Variants in FHIP1B observed in about 807,000 individuals in gnomAD.
The protein encoded by FHIP1B is FHF complex subunit HOOK interacting protein 1B.
A neutral mutation model predicts 82.2 loss-of-function variants in FHIP1B; 28 were observed. The observed-to-expected ratio is 0.34, with a 90% CI of 0.25 to 0.47. The LOEUF is 0.47. Ranked by LOEUF, FHIP1B falls within the 20% of genes least tolerant of loss-of-function variation. The probability of loss-of-function intolerance (pLI) is 1.00; values close to 1 mark genes in which losing one functional copy is unlikely to be tolerated. For synonymous variants in FHIP1B, 585 were observed against 516.1 expected (o/e 1.13, Z -1.81); for missense variants, 1,110 against 1,262.6 (o/e 0.88, Z 1.83).
intron 9 of FHIP1B, 119 bp from the exon 10 acceptor site, chr11:6,215,030 T>A: frequency 9.8e-7 from 1 of 1,022,866 alleles, no homozygotes; most frequent in Non-Finnish European, 1.3e-6. Flanking sequence ...TGTCAGCCTC[T>A]GGGTATGTTT....
chr11:6,231,118 A>G (rs1051013506), intron 1 of FHIP1B, among the ~76,000 whole-genome samples: 53 of 152,338 alleles, frequency 3.5e-4, no homozygotes, highest in Middle Eastern at 6.8e-3. Context: ...AAAAAATCAT[A>G]TGAGGTGAGG....
chr11:6,214,294 T>C (rs1847160726), intron 11 of FHIP1B, 117 bp downstream of exon 11: 2 of 1,263,686 alleles, frequency 1.6e-6, no homozygotes, highest in African/African-American at 1.5e-5. Context: ...GAAGACTCAA[T>C]TTTCTACAAC....
At position 6,217,650 on chromosome 11, in the gene FHIP1B, C is replaced by A. The variant is rs1272513162; in HGVS notation, c.1936G>T (p.Ala646Ser). 1.9e-6 allele frequency: 3 copies of A among 1,613,884 alleles called. No homozygotes were observed. Among genetic ancestry groups the A allele is most frequent in the African/African-American group, 1.3e-5 (1 of 74,910 alleles). ...NGVPGSWPEG[A>S]KKVRLVPKEG... ...TTTGGCACCAGACGAACCTTCTTGG[C>A]CCCCTCAGGCCATGATCCTGGCACT... is the stretch of plus-strand genomic sequence containing the variant. The change falls in exon 9 of 12, where the codon GCC (alanine) becomes TCC (serine). Residue 646 changes from alanine to serine, a missense_variant. Physicochemically the swap from Ala to Ser is moderately conservative, Grantham distance 99 (BLOSUM62 1). Coordinates refer to ENST00000449352, the MANE Select transcript of FHIP1B (RefSeq NM_001098794.2).
intron 1 of FHIP1B, among the ~76,000 whole-genome samples, chr11:6,227,730 C>A (rs11040811): frequency 0.24 from 36,944 of 152,024 alleles, 5,383 homozygotes; most frequent in African/African-American, 0.41. Context: ...AACAGCAGAT[C>A]ATGAAAGGAG....
chr11:6,220,381 G>C (rs1252058579), intron 6 of FHIP1B, among the ~76,000 whole-genome samples: 1 of 152,116 alleles, frequency 6.6e-6, no homozygotes, highest in Non-Finnish European at 1.5e-5. Flanking sequence ...CCAAAATTTT[G>C]ATTTTAGCCT....
chr11:6,211,650 G>A lies in FHIP1B; in HGVS notation c.2775C>T (p.Val925=), dbSNP rs1049434702. The A allele has an allele frequency of 5.0e-6, 8 of 1,614,132 alleles. No individual in the cohort carries two copies. The African/African-American group carries it at 6.7e-5, about 13-fold the overall frequency. Residue 925 remains valine (V), a synonymous_variant, in exon 12 of 12, where the codon GTC becomes GTT. Coordinates refer to ENST00000449352, the MANE Select transcript of FHIP1B (RefSeq NM_001098794.2). ...QGEALRVKNA[V]YCAVIFPEFL... is the part of the protein sequence containing the mutation. ...ATTCAGGGAAAATGACTGCACAGTA[G>A]ACAGCATTCTTGACTCGAAGAGCCT...
At chr11:6,222,631 T>C (rs550162096) in intron 5 of FHIP1B, 22 bp from the exon 6 acceptor site, 3 of 1,612,524 alleles carry the variant, frequency 1.9e-6, no homozygotes, top group African/African-American at 1.3e-5. Context: ...GAAGGGAAAG[T>C]CTGGAAATGC....
In FHIP1B at chr11:6,211,392, T is replaced by A; in HGVS notation, c.*114A>T. The A allele has an allele frequency of 1.5e-6, 2 of 1,296,652 alleles. No individual in the cohort carries two copies. The highest frequency in any genetic ancestry group is 2.1e-6 in the Non-Finnish European group (2 of 950,496). 80.3% of individuals were successfully genotyped at this position (1,296,652 alleles called of 1,614,324 possible). On this transcript the variant is annotated 3_prime_UTR_variant, in exon 12 of 12. Coordinates refer to ENST00000449352, the MANE Select transcript of FHIP1B (RefSeq NM_001098794.2). ...ATTGCAACAAGTTCTCCATAAAACA[T>A]TCATCTGAAATAAATTAAAAAGTCC... is the stretch of plus-strand genomic sequence containing the variant.
chr11:6,223,303 G>A lies in FHIP1B; in HGVS notation c.778-65C>T. 1 of 1,500,484 alleles carries A rather than the reference G, an allele frequency of 6.7e-7. No homozygotes were observed. The highest frequency in any genetic ancestry group is 9.0e-7 in the Non-Finnish European group (1 of 1,113,496). The allele number at this position is 1,500,484 out of a possible 1,614,324, so 92.9% of individuals were successfully genotyped here. A position where few individuals can be genotyped will look rare whatever the true frequency, so the allele number is the denominator to read the frequency against. On this transcript the variant is annotated intron_variant, in intron 3 of 11. Coordinates refer to ENST00000449352, the MANE Select transcript of FHIP1B (RefSeq NM_001098794.2). The surrounding 1 kb of genome is among the most constrained non-coding windows in gnomAD (Gnocchi z 4.8). ...TATAAAATATAAAAACTGGAACAGGGGAGCTAGTAATCCAGAGTTTTGATG... is the reference window on the plus strand; with the variant it reads ...TATAAAATATAAAAACTGGAACAGGAGAGCTAGTAATCCAGAGTTTTGATG...
chr11:6,224,785 A>C, intron 1 of FHIP1B, 78 bp from the exon 2 acceptor site: 1 of 461,280 alleles, frequency 2.2e-6, no homozygotes, highest in Non-Finnish European at 3.9e-6. Flanking sequence ...TCCACTGAAA[A>C]CTCCACACAC....
At position 6,211,728 on chromosome 11, in the gene FHIP1B, C is replaced by G. The variant is rs1847078026; in HGVS notation, c.2697G>C (p.Gly899=). ...AGLGLSGGSP[G]ASTPVLLTRG... is the part of the protein sequence containing the mutation. The stretch of plus-strand genomic sequence containing the variant: ...GGGTGAGTAGAACTGGAGTTGAAGC[C>G]CCAGGGGAGCCCCCACTTAGGCCAA... Residue 899 remains glycine (G), a synonymous_variant, in exon 12 of 12, where the codon GGG becomes GGC. Transcript: ENST00000449352. The G allele has an allele frequency of 6.2e-7, 1 of 1,614,244 alleles. No individual in the cohort carries two copies. Among genetic ancestry groups the G allele is most frequent in the Non-Finnish European group, 8.5e-7 (1 of 1,180,030 alleles).
chr11:6,214,356 G>A, intron 11 of FHIP1B, 55 bp downstream of exon 11: 2 of 1,522,526 alleles, frequency 1.3e-6, no homozygotes, highest in Non-Finnish European at 1.8e-6. Flanking sequence ...CAATTAACCT[G>A]GGTTAATAGG....
At chr11:6,215,551 G>C (rs926906543) in intron 9 of FHIP1B, among the ~76,000 whole-genome samples, 1 of 152,210 alleles carries the variant, frequency 6.6e-6, no homozygotes, top group Non-Finnish European at 1.5e-5. Flanking sequence ...CCAATTTAAA[G>C]TTAGGGAAAA....
At position 6,223,915 on chromosome 11, in the gene FHIP1B, G is replaced by A; in HGVS notation, c.472C>T (p.Leu158=). The change falls in exon 3 of 12, where the codon CTG becomes TTG. Residue 158 remains leucine (L), a synonymous_variant. Transcript: ENST00000449352. The surrounding 1 kb of genome is among the most constrained non-coding windows in gnomAD (Gnocchi z 4.8). ...HGPVREALLT[L]LDACGRPVPS... Reference sequence around the variant, plus strand: ...ACAGGGCGGCCACAGGCATCCAGCAGGGTGAGCAGAGCCTCACGAACTGGA... The same window carrying A: ...ACAGGGCGGCCACAGGCATCCAGCAAGGTGAGCAGAGCCTCACGAACTGGA... 6.2e-7 allele frequency: 1 copy of A among 1,614,212 alleles called. No individual in the cohort carries two copies. The highest frequency in any genetic ancestry group is 8.5e-7 in the Non-Finnish European group (1 of 1,180,036).
intron 11 of FHIP1B, 87 bp downstream of exon 11, chr11:6,214,324 C>G: frequency 6.9e-7 from 1 of 1,448,118 alleles, no homozygotes; most frequent in Non-Finnish European, 9.3e-7. Flanking sequence ...CCTGGCACAA[C>G]ATTTCACTCT....
rs770178853 is a variant in FHIP1B at position 6,217,814 on chromosome 11, C to T, written c.1772G>A (p.Arg591Gln). The change falls in exon 9 of 12, where the codon CGG becomes CAG. Residue 591 changes from arginine (R) to glutamine (Q), a missense_variant. By Grantham distance (43) the Arg-to-Gln change is conservative (BLOSUM62 1). This residue lies in a region of FHIP1B where 418 missense variants were observed against 371.4 expected (regional missense o/e 1.13). Coordinates refer to ENST00000449352, the MANE Select transcript of FHIP1B (RefSeq NM_001098794.2). ...AGGCAGTAGGCTGCGTTTCTTAGTCCGGGAGCCAAAAGGACTGGGCTCAGG... is the reference window on the plus strand; with the variant it reads ...AGGCAGTAGGCTGCGTTTCTTAGTCTGGGAGCCAAAAGGACTGGGCTCAGG... ...PSPEPSPFGS[R>Q]TKKRSLLPEE... 53 of 1,613,062 alleles carry T rather than the reference C, an allele frequency of 3.3e-5. No individual in the cohort carries two copies. The highest frequency in any genetic ancestry group is 3.9e-5 in the Non-Finnish European group (46 of 1,179,420).
At chr11:6,227,393 C>T (rs753439232) in intron 1 of FHIP1B, among the ~76,000 whole-genome samples, 5 of 152,042 alleles carry the variant, frequency 3.3e-5, no homozygotes, top group African/African-American at 4.8e-5. Context: ...TTAAATTAAC[C>T]GCAAAGTAAA....
At position 6,217,937 on chromosome 11, in the gene FHIP1B, T is replaced by C; in HGVS notation, c.1649A>G (p.Asn550Ser). The C allele has an allele frequency of 6.2e-7, 1 of 1,612,882 alleles. No individual in the cohort carries two copies. Among genetic ancestry groups the C allele is most frequent in the Non-Finnish European group, 8.5e-7 (1 of 1,180,006 alleles). ...TGCCTCACGCAGATACTCCAGGTAA[T>C]TGTCTTCCAGCTCTCCAGGCTCCTC... ...PAEEPGELED[N>S]YLEYLREARR... The change falls in exon 9 of 12, where the codon AAT becomes AGT. Residue 550 changes from asparagine to serine, a missense_variant. This residue lies in a region of FHIP1B where 418 missense variants were observed against 371.4 expected (regional missense o/e 1.13). Transcript: ENST00000449352.
intron 4 of FHIP1B, 86 bp from the exon 5 acceptor site, chr11:6,222,983 C>A: frequency 6.4e-7 from 1 of 1,572,220 alleles, no homozygotes; most frequent in Non-Finnish European, 8.7e-7. Flanking sequence ...AGAGAGGCAT[C>A]CTACTTCCAA....
Sources: allele counts gnomAD v4.1 joint callset (sites outside exome capture counted in the v4.1 genomes callset), GRCh38; gene constraint gnomAD v4.1.1; regional missense constraint gnomAD v4.1.1; non-coding constraint Gnocchi (gnomAD v3.1); transcripts MANE v1.5; gene names NCBI Gene and HGNC (gene_info 2026-07-23, HGNC 2026-07-21).